H2AC21: variants seen among roughly 807,000 people sequenced by gnomAD.
The protein encoded by H2AC21 is H2A clustered histone 21, also known as histone H2A type 2-B.
A neutral mutation model predicts 7.7 loss-of-function variants in H2AC21; 3 were observed. The observed-to-expected ratio is 0.39, with a 90% CI of 0.18 to 1.01. The LOEUF is 1.01. H2AC21 is among the 50% of genes least tolerant of loss of function. The pLI is 0.36. For synonymous variants in H2AC21, 119 were observed against 84.2 expected (o/e 1.41, Z -2.26); for missense variants, 173 against 177.9 (o/e 0.97, Z 0.16).
Position 149,887,714 on chromosome 1 carries a change from C to T in H2AC21, c.203G>A (p.Gly68Asp). ...CTTCTTGTTGTCCCGAGCCGCGTTGCCCGCCAGCTCCAGAATTTCCGCGGT... is the reference window on the plus strand; with the variant it reads ...CTTCTTGTTGTCCCGAGCCGCGTTGTCCGCCAGCTCCAGAATTTCCGCGGT... ...YLTAEILELA[G>D]NAARDNKKTR... The change falls in exon 1 of 1, where the codon GGC (glycine) becomes GAC (aspartate). Residue 68 changes from glycine (G) to aspartate (D), a missense_variant. Gly to Asp is a moderately conservative substitution (Grantham distance 94, BLOSUM62 -1). Transcript: ENST00000331128. 6.2e-7 allele frequency: 1 copy of T among 1,614,212 alleles called. No individual in the cohort carries two copies. Among genetic ancestry groups the T allele is most frequent in the Non-Finnish European group, 8.5e-7 (1 of 1,180,042 alleles).
At position 149,887,779 on chromosome 1, in the gene H2AC21, T is replaced by C. The variant is rs782125224; in HGVS notation, c.138A>G (p.Ala46=). ...RKGNYAERVG[A]GAPVYLAAVL... The stretch of plus-strand genomic sequence containing the variant: ...CCGCCGCCAGGTACACCGGGGCGCC[T>C]GCCCCGACCCGCTCCGCGTAGTTGC... Residue 46 remains alanine (A), a synonymous_variant, in exon 1 of 1, where the codon GCA becomes GCG. Transcript: ENST00000331128. The C allele has an allele frequency of 4.3e-6, 7 of 1,614,086 alleles. 1 individual carries two copies. The South Asian group carries it at 7.7e-5, about 18-fold the overall frequency.
In H2AC21 at chr1:149,887,849, C is replaced by T; in HGVS notation, c.68G>A (p.Gly23Asp). 1 of 1,614,010 alleles carries T rather than the reference C, an allele frequency of 6.2e-7. No homozygotes were observed. The highest frequency in any genetic ancestry group is 8.5e-7 in the Non-Finnish European group (1 of 1,179,920). ...CACTCGCCCCACCGGGAACTGGAGA[C>T]CAGCGCGGGACGAGCGCGACTTGGC... ...AKAKSRSSRA[G>D]LQFPVGRVHR... Residue 23 changes from glycine (G) to aspartate (D), a missense_variant, in exon 1 of 1, where the codon GGT becomes GAT. By Grantham distance (94) the Gly-to-Asp change is moderately conservative. Transcript: ENST00000331128.
chr1:149,887,925 A>G lies in H2AC21; in HGVS notation c.-9T>C, dbSNP rs782195685. The G allele has an allele frequency of 6.2e-7, 1 of 1,604,298 alleles. No individual in the cohort carries two copies. Among genetic ancestry groups the G allele is most frequent in the Non-Finnish European group, 8.5e-7 (1 of 1,175,892 alleles). ...TTTCCGCGTCCTGACATTACGGCTAAAATTGCAGTTACAGCTTCTTTTACA... is the reference window on the plus strand; with the variant it reads ...TTTCCGCGTCCTGACATTACGGCTAGAATTGCAGTTACAGCTTCTTTTACA... On this transcript the variant is annotated 5_prime_UTR_variant, in exon 1 of 1. Coordinates refer to ENST00000331128, the MANE Select transcript of H2AC21 (RefSeq NM_175065.3).
rs1235244720 is a variant in H2AC21 at position 149,887,530 on chromosome 1, G to A, written c.387C>T (p.Asn129=). The A allele has an allele frequency of 6.2e-7, 1 of 1,610,422 alleles. No individual in the cohort carries two copies. Among genetic ancestry groups the A allele is most frequent in the South Asian group, 1.1e-5 (1 of 90,698 alleles). ...ATGGTGTCAAGCCTCTTAATTACTT[G>A]TTCTTGCCAGGCTTGTGACTCTCCG... ...KKTESHKPGK[N]K The change falls in exon 1 of 1, where the codon AAC becomes AAT. Residue 129 remains asparagine, a synonymous_variant. Transcript: ENST00000331128.
In H2AC21 at chr1:149,887,529, TGTTCTTGCCAGGCTTGTGACTC is replaced by T; in HGVS notation, c.366_387del (p.His124AsnfsTer2). ...TATGGTGTCAAGCCTCTTAATTACTTGTTCTTGCCAGGCTTGTGACTCTCCGTTTTCTTGGGCAACAGGACAG... is the reference window on the plus strand; with the variant it reads ...TATGGTGTCAAGCCTCTTAATTACTTTCCGTTTTCTTGGGCAACAGGACAG... On this transcript the variant is annotated frameshift_variant, in exon 1 of 1. Transcript: ENST00000331128. LOFTEE classifies it high-confidence loss of function. 2 of 1,610,286 alleles carry T rather than the reference TGTTCTTGCCAGGCTTGTGACTC, an allele frequency of 1.2e-6. No individual in the cohort carries two copies. Among genetic ancestry groups the T allele is most frequent in the Non-Finnish European group, 1.7e-6 (2 of 1,177,672 alleles).
Position 149,887,950 on chromosome 1 carries a change from A to C in H2AC21, c.-34T>G. ...AAATTGCAGTTACAGCTTCTTTTAC[A>C]AGGAGAAGAATGTGGAAAGAATAAC... is the stretch of plus-strand genomic sequence containing the variant. On this transcript the variant is annotated 5_prime_UTR_variant, in exon 1 of 1. Coordinates refer to ENST00000331128, the MANE Select transcript of H2AC21 (RefSeq NM_175065.3). The C allele has an allele frequency of 6.3e-7, 1 of 1,584,418 alleles. No homozygotes were observed. The highest frequency in any genetic ancestry group is 1.1e-5 in the South Asian group (1 of 87,652).
chr1:149,887,880 C>T lies in H2AC21; in HGVS notation c.37G>A (p.Ala13Thr). 6.2e-7 allele frequency: 1 copy of T among 1,613,660 alleles called. No individual in the cohort carries two copies. Among genetic ancestry groups the T allele is most frequent in the Non-Finnish European group, 8.5e-7 (1 of 1,179,766 alleles). Reference sequence around the variant, plus strand: ...CGGGACGAGCGCGACTTGGCCTTAGCGCGGGCCTTGCCTCCCTGCTTTCCG... The same window carrying T: ...CGGGACGAGCGCGACTTGGCCTTAGTGCGGGCCTTGCCTCCCTGCTTTCCG... The part of the protein sequence containing the change: ...GRGKQGGKAR[A>T]KAKSRSSRAG... The change falls in exon 1 of 1, where the codon GCT becomes ACT. Residue 13 changes from alanine to threonine, a missense_variant. Transcript: ENST00000331128.
rs1553760204 is a variant in H2AC21, at chr1:149,887,948, A to C, written c.-32T>G. ...TAAAATTGCAGTTACAGCTTCTTTTACAAGGAGAAGAATGTGGAAAGAATA... is the reference window on the plus strand; with the variant it reads ...TAAAATTGCAGTTACAGCTTCTTTTCCAAGGAGAAGAATGTGGAAAGAATA... On this transcript the variant is annotated 5_prime_UTR_variant, in exon 1 of 1. Coordinates refer to ENST00000331128, the MANE Select transcript of H2AC21 (RefSeq NM_175065.3). The C allele has an allele frequency of 2.5e-6, 4 of 1,589,792 alleles. No homozygotes were observed. The highest frequency in any genetic ancestry group is 3.4e-6 in the Non-Finnish European group (4 of 1,168,852).
At position 149,887,820 on chromosome 1, in the gene H2AC21, G is replaced by T; in HGVS notation, c.97C>A (p.Arg33Ser). ...GCGTAGTTGCCTTTGCGCAGCAAGC[G>T]GTGCACTCGCCCCACCGGGAACTGG... Reference protein sequence around the residue: ...GLQFPVGRVHRLLRKGNYAER... With the variant: ...GLQFPVGRVHSLLRKGNYAER... Residue 33 changes from arginine to serine, a missense_variant, in exon 1 of 1, where the codon CGC becomes AGC. Arg to Ser is a moderately radical substitution (Grantham distance 110). Coordinates refer to ENST00000331128, the MANE Select transcript of H2AC21 (RefSeq NM_175065.3). The T allele has an allele frequency of 6.2e-7, 1 of 1,613,982 alleles. No homozygotes were observed.
Position 149,887,766 on chromosome 1 carries a change from A to C in H2AC21, c.151T>G (p.Tyr51Asp), listed in dbSNP as rs1275405786. ...AERVGAGAPV[Y>D]LAAVLEYLTA... Reference sequence around the variant, plus strand: ...AGGTACTCGAGGACCGCCGCCAGGTACACCGGGGCGCCTGCCCCGACCCGC... The same window carrying C: ...AGGTACTCGAGGACCGCCGCCAGGTCCACCGGGGCGCCTGCCCCGACCCGC... The change falls in exon 1 of 1, where the codon TAC becomes GAC. Residue 51 changes from tyrosine (Y) to aspartate (D), a missense_variant. Tyr to Asp is a radical substitution (Grantham distance 160, BLOSUM62 -3). Transcript: ENST00000331128. 1 of 1,614,000 alleles carries C rather than the reference A, an allele frequency of 6.2e-7. No homozygotes were observed. The highest frequency in any genetic ancestry group is 8.5e-7 in the Non-Finnish European group (1 of 1,180,008).
chr1:149,887,541 G>A lies in H2AC21; in HGVS notation c.376C>T (p.Pro126Ser), dbSNP rs782207998. The A allele has an allele frequency of 6.2e-6, 10 of 1,612,452 alleles. No homozygotes were observed. The East Asian group carries it at 8.9e-5, about 14-fold the overall frequency. The change falls in exon 1 of 1, where the codon CCT (proline) becomes TCT (serine). Residue 126 changes from proline to serine, a missense_variant. By Grantham distance (74) the Pro-to-Ser change is moderately conservative. Coordinates refer to ENST00000331128, the MANE Select transcript of H2AC21 (RefSeq NM_175065.3). The part of the protein sequence containing the change: ...LLPKKTESHK[P>S]GKNK ...CCTCTTAATTACTTGTTCTTGCCAGGCTTGTGACTCTCCGTTTTCTTGGGC... is the reference window on the plus strand; with the variant it reads ...CCTCTTAATTACTTGTTCTTGCCAGACTTGTGACTCTCCGTTTTCTTGGGC...
chr1:149,887,955 G>T lies in H2AC21; in HGVS notation c.-39C>A. The T allele has an allele frequency of 6.4e-7, 1 of 1,571,626 alleles. No homozygotes were observed. Among genetic ancestry groups the T allele is most frequent in the Non-Finnish European group, 8.6e-7 (1 of 1,160,466 alleles). ...GCAGTTACAGCTTCTTTTACAAGGAGAAGAATGTGGAAAGAATAACCAATT... is the reference window on the plus strand; with the variant it reads ...GCAGTTACAGCTTCTTTTACAAGGATAAGAATGTGGAAAGAATAACCAATT... On this transcript the variant is annotated 5_prime_UTR_variant, in exon 1 of 1. Coordinates refer to ENST00000331128, the MANE Select transcript of H2AC21 (RefSeq NM_175065.3).
chr1:149,887,721 G>A lies in H2AC21; in HGVS notation c.196C>T (p.Leu66=), dbSNP rs782087768. 1.6e-5 allele frequency: 26 copies of A among 1,614,246 alleles called. No homozygotes were observed. The highest frequency in any genetic ancestry group is 2.2e-5 in the East Asian group (1 of 44,866). Residue 66 remains leucine, a synonymous_variant, in exon 1 of 1, where the codon CTG becomes TTG. Transcript: ENST00000331128. ...TTGTCCCGAGCCGCGTTGCCCGCCAGCTCCAGAATTTCCGCGGTCAGGTAC... is the reference window on the plus strand; with the variant it reads ...TTGTCCCGAGCCGCGTTGCCCGCCAACTCCAGAATTTCCGCGGTCAGGTAC... ...LEYLTAEILE[L]AGNAARDNKK...
In H2AC21 at chr1:149,887,487, C is replaced by A; in HGVS notation, c.*37G>T. 1.3e-6 allele frequency: 2 copies of A among 1,583,744 alleles called. No individual in the cohort carries two copies. The highest frequency in any genetic ancestry group is 1.7e-6 in the Non-Finnish European group (2 of 1,165,434). On this transcript the variant is annotated 3_prime_UTR_variant, in exon 1 of 1. Transcript: ENST00000331128. ...GACACTTTGGTGGCTCTTAAAAGAG[C>A]CTTTGGGGTGAATGAGTATGGTGTC...
Position 149,887,816 on chromosome 1 carries a change from A to C in H2AC21, c.101T>G (p.Leu34Trp). The change falls in exon 1 of 1, where the codon TTG becomes TGG. Residue 34 changes from leucine to tryptophan, a missense_variant. Coordinates refer to ENST00000331128, the MANE Select transcript of H2AC21 (RefSeq NM_175065.3). Reference sequence around the variant, plus strand: ...CTCCGCGTAGTTGCCTTTGCGCAGCAAGCGGTGCACTCGCCCCACCGGGAA... The same window carrying C: ...CTCCGCGTAGTTGCCTTTGCGCAGCCAGCGGTGCACTCGCCCCACCGGGAA... ...LQFPVGRVHR[L>W]LRKGNYAERV... 1 of 1,613,996 alleles carries C rather than the reference A, an allele frequency of 6.2e-7. No homozygotes were observed.
rs2092313159 is a variant in H2AC21 at position 149,887,469 on chromosome 1, T to C, written c.*55A>G. 3.8e-6 allele frequency: 6 copies of C among 1,564,348 alleles called. No individual in the cohort carries two copies. The highest frequency in any genetic ancestry group is 1.4e-5 in the African/African-American group (1 of 72,894). Reference sequence around the variant, plus strand: ...GTGATCAGCCCTTCATTTGACACTTTGGTGGCTCTTAAAAGAGCCTTTGGG... The same window carrying C: ...GTGATCAGCCCTTCATTTGACACTTCGGTGGCTCTTAAAAGAGCCTTTGGG... On this transcript the variant is annotated 3_prime_UTR_variant, in exon 1 of 1. Coordinates refer to ENST00000331128, the MANE Select transcript of H2AC21 (RefSeq NM_175065.3).
At position 149,887,605 on chromosome 1, in the gene H2AC21, G is replaced by A. The variant is rs1553760077; in HGVS notation, c.312C>T (p.Ala104=). 6.2e-7 allele frequency: 1 copy of A among 1,614,208 alleles called. No homozygotes were observed. The highest frequency in any genetic ancestry group is 8.5e-7 in the Non-Finnish European group (1 of 1,180,042). The change falls in exon 1 of 1, where the codon GCC becomes GCT. Residue 104 remains alanine, a synonymous_variant. Coordinates refer to ENST00000331128, the MANE Select transcript of H2AC21 (RefSeq NM_175065.3). ...GGATATTGGGCAAGACGCCGCCCTG[G>A]GCAATGGTGACACCCCCGAGTAACT... The part of the protein sequence containing the change: ...LNKLLGGVTI[A]QGGVLPNIQA...
In H2AC21 at chr1:149,887,791, C is replaced by T. The variant is rs1553760145; in HGVS notation, c.126G>A (p.Glu42=). 3 of 1,614,064 alleles carry T rather than the reference C, an allele frequency of 1.9e-6. No individual in the cohort carries two copies. Among genetic ancestry groups the T allele is most frequent in the Admixed American group, 1.7e-5 (1 of 60,016 alleles). ...HRLLRKGNYA[E]RVGAGAPVYL... is the part of the protein sequence containing the mutation. The stretch of plus-strand genomic sequence containing the variant: ...ACACCGGGGCGCCTGCCCCGACCCG[C>T]TCCGCGTAGTTGCCTTTGCGCAGCA... The change falls in exon 1 of 1, where the codon GAG becomes GAA. Residue 42 remains glutamate, a synonymous_variant. Transcript: ENST00000331128.
Position 149,887,776 on chromosome 1 carries a change from G to T in H2AC21, c.141C>A (p.Gly47=), listed in dbSNP as rs2092317271. 6.2e-7 allele frequency: 1 copy of T among 1,614,120 alleles called. No homozygotes were observed. The highest frequency in any genetic ancestry group is 8.5e-7 in the Non-Finnish European group (1 of 1,180,010). ...GGACCGCCGCCAGGTACACCGGGGCGCCTGCCCCGACCCGCTCCGCGTAGT... is the reference window on the plus strand; with the variant it reads ...GGACCGCCGCCAGGTACACCGGGGCTCCTGCCCCGACCCGCTCCGCGTAGT... ...KGNYAERVGA[G]APVYLAAVLE... The change falls in exon 1 of 1, where the codon GGC becomes GGA. Residue 47 remains glycine, a synonymous_variant. Transcript: ENST00000331128.
Sources: allele counts gnomAD v4.1 joint callset, GRCh38; gene constraint gnomAD v4.1.1; transcripts MANE v1.5; gene names NCBI Gene and HGNC (gene_info 2026-07-23, HGNC 2026-07-21).